Variants in CPNE8 observed in about 807,000 individuals in gnomAD.
CPNE8 encodes copine 8.
A neutral mutation model predicts 81.5 loss-of-function variants in CPNE8; 45 were observed. The ratio of observed to expected loss-of-function variants is 0.55; its 90% confidence interval spans 0.44 to 0.71. CPNE8 has a LOEUF of 0.71. Among genes scored for constraint, CPNE8 ranks in the 30% least tolerant of loss-of-function variants. The pLI, the probability that CPNE8 is intolerant of heterozygous loss-of-function variation, is 0.00. For missense variants in CPNE8, 594 were observed against 672.1 expected (o/e 0.88, Z 1.28); for synonymous variants, 252 against 226.3 (o/e 1.11, Z -1.02).
At chr12:38,698,329 C>T (rs539430510) in intron 14 of CPNE8, among the ~76,000 whole-genome samples, 13 of 152,084 alleles carry the variant, frequency 8.5e-5, no homozygotes, top group Non-Finnish European at 1.3e-4. Context: ...GTATGATTTG[C>T]GAACATTTTT....
chr12:38,786,245 T>C (rs1047287035), intron 6 of CPNE8, among the ~76,000 whole-genome samples: 2 of 152,168 alleles, frequency 1.3e-5, no homozygotes, highest in Non-Finnish European at 2.9e-5. Context: ...ATACTGAGTG[T>C]CAACTTGATT....
intron 13 of CPNE8, among the ~76,000 whole-genome samples, chr12:38,704,844 A>ATATATATGTG (rs1940061515): frequency 2.2e-5 from 3 of 133,440 alleles, no homozygotes; most frequent in Non-Finnish European, 4.9e-5. Flanking sequence ...ATATATATAT[A>ATATATATGTG]TATATATATA....
intron 15 of CPNE8, among the ~76,000 whole-genome samples, chr12:38,689,201 C>A (rs1565568375): frequency 6.6e-6 from 1 of 152,150 alleles, no homozygotes. Flanking sequence ...TAAAATAACA[C>A]ATGTTAACTT....
chr12:38,826,040 T>G (rs940111600), intron 6 of CPNE8, among the ~76,000 whole-genome samples: 2 of 152,176 alleles, frequency 1.3e-5, no homozygotes, highest in African/African-American at 4.8e-5. Context: ...TCCTAAGGTT[T>G]TGTTTCTTTG....
chr12:38,759,737 GA>G (rs921904161), intron 10 of CPNE8, among the ~76,000 whole-genome samples: 30 of 148,872 alleles, frequency 2.0e-4, no homozygotes, highest in East Asian at 3.9e-4. Flanking sequence ...CTTCTTGAAA[GA>G]AAAAAAAAAT....
At chr12:38,797,808 T>G (rs1483734329) in intron 6 of CPNE8, among the ~76,000 whole-genome samples, 3 of 151,970 alleles carry the variant, frequency 2.0e-5, no homozygotes, top group African/African-American at 7.3e-5. Flanking sequence ...TGAAAAAAAT[T>G]TAGACGAATG....
chr12:38,868,778 G>T (rs1261372252), intron 3 of CPNE8, among the ~76,000 whole-genome samples: 1 of 152,070 alleles, frequency 6.6e-6, no homozygotes, highest in Non-Finnish European at 1.5e-5. Context: ...ATTTCCAAAT[G>T]AAAATATTTT....
chr12:38,745,987 T>G (rs996649088), intron 10 of CPNE8, among the ~76,000 whole-genome samples: 3 of 152,168 alleles, frequency 2.0e-5, no homozygotes, highest in African/African-American at 4.8e-5. Context: ...AGAAGTGATA[T>G]TTCAATAAAA....
At chr12:38,716,822 C>G (rs942710440) in intron 13 of CPNE8, among the ~76,000 whole-genome samples, 2 of 151,968 alleles carry the variant, frequency 1.3e-5, no homozygotes, top group Non-Finnish European at 2.9e-5. Context: ...TTCTGTACAG[C>G]CAAAGAAATA....
chr12:38,822,734 C>A (rs1943126420), intron 6 of CPNE8, among the ~76,000 whole-genome samples: 1 of 151,972 alleles, frequency 6.6e-6, no homozygotes, highest in Admixed American at 6.6e-5. Flanking sequence ...AGCTCTACAG[C>A]AAATTCTTAT....
In CPNE8 at chr12:38,653,870, T is replaced by A. The variant is rs1591990560; in HGVS notation, c.*12A>T. On this transcript the variant is annotated 3_prime_UTR_variant, in exon 20 of 20. Transcript: ENST00000331366. The stretch of plus-strand genomic sequence containing the variant: ...TTTGATTTGTAGTTGACATTAGCAT[T>A]TCAGAGCACAGTCATATTTGAGTCT... The A allele has an allele frequency of 1.2e-6, 2 of 1,607,986 alleles. No individual in the cohort carries two copies. The highest frequency in any genetic ancestry group is 4.5e-5 in the East Asian group (2 of 44,504).
At chr12:38,785,124 G>T (rs951142638) in intron 6 of CPNE8, among the ~76,000 whole-genome samples, 21 of 151,804 alleles carry the variant, frequency 1.4e-4, no homozygotes, top group African/African-American at 5.1e-4. Context: ...GAACCCAGGA[G>T]GAGGAGGTTG....
intron 19 of CPNE8, among the ~76,000 whole-genome samples, chr12:38,658,402 A>G (rs573694481): frequency 6.6e-6 from 1 of 152,368 alleles, no homozygotes; most frequent in East Asian, 1.9e-4. Flanking sequence ...AGACTATGTG[A>G]AAAGACCAAA....
At chr12:38,849,544 G>A (rs771911341) in intron 3 of CPNE8, among the ~76,000 whole-genome samples, 9 of 152,096 alleles carry the variant, frequency 5.9e-5, no homozygotes, top group Non-Finnish European at 7.4e-5. Context: ...CTTTTTAATA[G>A]GAAAAGAGAA....
At chr12:38,798,361 C>T (rs1942558295) in intron 6 of CPNE8, among the ~76,000 whole-genome samples, 2 of 152,150 alleles carry the variant, frequency 1.3e-5, no homozygotes. Flanking sequence ...TCCGCAGAAA[C>T]TCTACAAGCC....
rs867292495 is a variant in CPNE8 at position 38,738,134 on chromosome 12, T to A, written c.723-7776A>T. Among the ~76,000 whole-genome samples the A allele has an allele frequency of 3.9e-5, 6 of 152,220 alleles. No individual in the cohort carries two copies. In the Middle Eastern group the frequency reaches 0.017, roughly 431 times the overall value. ...ACCAGTCTACATACTGTTCATTATCTTCCTGACAGACTGAGGTACTCCAAA... is the reference window on the plus strand; with the variant it reads ...ACCAGTCTACATACTGTTCATTATCATCCTGACAGACTGAGGTACTCCAAA... On this transcript the variant is annotated intron_variant, in intron 10 of 19. Coordinates refer to ENST00000331366, the MANE Select transcript of CPNE8 (RefSeq NM_153634.3).
chr12:38,826,199 TC>T (rs1339054766), intron 6 of CPNE8, among the ~76,000 whole-genome samples: 1 of 152,244 alleles, frequency 6.6e-6, no homozygotes, highest in Non-Finnish European at 1.5e-5. Context: ...TAAACTATTT[TC>T]TTAATGTTTA....
chr12:38,747,803 T>C (rs1023088940), intron 10 of CPNE8, among the ~76,000 whole-genome samples: 1 of 152,118 alleles, frequency 6.6e-6, no homozygotes, highest in Non-Finnish European at 1.5e-5. Context: ...ACTTCTGATA[T>C]CAATTTAAGA....
At chr12:38,735,144 G>T (rs1161513762) in intron 10 of CPNE8, among the ~76,000 whole-genome samples, 1 of 152,144 alleles carries the variant, frequency 6.6e-6, no homozygotes, top group East Asian at 1.9e-4. Context: ...TCTCTCATTT[G>T]TACTTCAGCG....
Sources: allele counts gnomAD v4.1 joint callset (sites outside exome capture counted in the v4.1 genomes callset), GRCh38; gene constraint gnomAD v4.1.1; transcripts MANE v1.5; gene names NCBI Gene and HGNC (gene_info 2026-07-23, HGNC 2026-07-21).